The following TENM2 variants were observed in gnomAD, a reference collection of about 807,000 sequenced individuals.
TENM2 encodes teneurin-2.
In TENM2, 52 loss-of-function variants were observed where a neutral mutation model predicts 245.2. The observed-to-expected ratio is 0.21, with a 90% CI of 0.17 to 0.27. The LOEUF (loss-of-function observed/expected upper bound fraction) is 0.27, where lower values mean the gene tolerates loss of function less well. TENM2 is among the 10% of genes least tolerant of loss of function. TENM2 has a pLI of 1.00. For synonymous variants in TENM2, 1,363 were observed against 1,438.9 expected, an observed-to-expected ratio of 0.95 and a Z score of 1.19; for missense variants, 3,046 against 3,666.8, an observed-to-expected ratio of 0.83 and a Z score of 4.37.
intron 1 of TENM2, among the ~76,000 whole-genome samples, chr5:167,348,427 C>T (rs909680944): frequency 6.6e-6 from 1 of 152,106 alleles, no homozygotes; most frequent in Non-Finnish European, 1.5e-5. Context: ...ATTGACGAGC[C>T]GGCAATTCTC....
At chr5:167,232,374 TC>T in the TENM2 span, among the ~76,000 whole-genome samples, 1 of 143,238 alleles carries the variant, frequency 7.0e-6, no homozygotes, top group South Asian at 2.2e-4. Flanking sequence ...CTCTTTTCTT[TC>T]TTTTTTTTTT....
At chr5:167,685,484 GATGTGATCTTTCA>G (rs1757013071) in intron 2 of TENM2, among the ~76,000 whole-genome samples, 1 of 151,882 alleles carries the variant, frequency 6.6e-6, no homozygotes. Flanking sequence ...AAGAATCCCC[GATGTGATCTTTCA>G]CATGCTGTGG....
the TENM2 span, among the ~76,000 whole-genome samples, chr5:167,065,605 C>T: frequency 6.6e-6 from 1 of 152,114 alleles, no homozygotes; most frequent in Non-Finnish European, 1.5e-5. Context: ...CAGCTAACTA[C>T]AAATAATACA....
At chr5:167,386,485 T>C (rs1339713664) in intron 2 of TENM2, among the ~76,000 whole-genome samples, 2 of 152,182 alleles carry the variant, frequency 1.3e-5, no homozygotes, top group Non-Finnish European at 2.9e-5. Flanking sequence ...CTCTGCTGAC[T>C]TTTCCTTTTG....
rs572129986 is a variant in TENM2, at chr5:168,041,863, C to T, written c.1187-5564C>T. On this transcript the variant is annotated intron_variant, in intron 5 of 28. Transcript: ENST00000518659. ...TGGTCAAAATGAACGTTAATTGTCA[C>T]CATCACCATTGAGTAGACTTATTCA... Among the ~76,000 whole-genome samples the T allele has an allele frequency of 9.2e-5, 14 of 152,362 alleles. No individual in the cohort carries two copies. In the East Asian group the frequency reaches 2.7e-3, roughly 29 times the overall value.
At position 168,218,194 on chromosome 5, in the gene TENM2, A is replaced by G. The variant is rs1185114359; in HGVS notation, c.4303A>G (p.Asn1435Asp). Residue 1435 changes from asparagine (N) to aspartate (D), a missense_variant, in exon 23 of 29, where the codon AAT becomes GAT. By Grantham distance (23) the Asn-to-Asp change is conservative. Transcript: ENST00000518659. This position sits in a 1 kb window ranked among gnomAD's most constrained non-coding sequence, Gnocchi z 5.2. ...TAACTCCTTGTATGTTCTAGAGAAC[A>G]ATGTCATCCTTCGAATCACCGAGAA... is the stretch of plus-strand genomic sequence containing the variant. 6.2e-7 allele frequency: 1 copy of G among 1,613,918 alleles called. No individual in the cohort carries two copies. The highest frequency in any genetic ancestry group is 1.7e-5 in the Admixed American group (1 of 60,014).
At chr5:167,641,330 G>A (rs1310981132) in intron 2 of TENM2, among the ~76,000 whole-genome samples, 2 of 152,040 alleles carry the variant, frequency 1.3e-5, no homozygotes, top group African/African-American at 4.8e-5. Flanking sequence ...AATGAGATGG[G>A]AGACCAATAA....
At chr5:168,166,440 C>T (rs7712496) in intron 13 of TENM2, among the ~76,000 whole-genome samples, 27,506 of 152,114 alleles carry the variant, frequency 0.18, 3,059 homozygotes, top group Non-Finnish European at 0.25. Flanking sequence ...ATATTTGAAA[C>T]CTTTAACAGC....
chr5:167,513,573 A>G (rs1770115354), intron 2 of TENM2, among the ~76,000 whole-genome samples: 1 of 152,282 alleles, frequency 6.6e-6, no homozygotes, highest in South Asian at 2.1e-4. Context: ...CGTCTTTGGT[A>G]TACATGCCAT....
At chr5:167,200,027 T>A in the TENM2 span, among the ~76,000 whole-genome samples, 222 of 152,212 alleles carry the variant, frequency 1.5e-3, 1 homozygote, top group African/African-American at 4.5e-3. Flanking sequence ...TTTGCCAGGC[T>A]GGTTTACATC....
At chr5:167,302,700 A>G (rs946817934) in intron 1 of TENM2, among the ~76,000 whole-genome samples, 4 of 151,544 alleles carry the variant, frequency 2.6e-5, no homozygotes, top group African/African-American at 9.7e-5. Flanking sequence ...CTTGCCACTA[A>G]GGGTGAAGGA....
At chr5:167,681,770 A>G (rs1359376946) in intron 2 of TENM2, among the ~76,000 whole-genome samples, 2 of 152,146 alleles carry the variant, frequency 1.3e-5, no homozygotes, top group African/African-American at 4.8e-5. Flanking sequence ...AGGAGTACCC[A>G]GTTTTCCATA....
the TENM2 span, among the ~76,000 whole-genome samples, chr5:167,000,141 A>G: frequency 6.6e-6 from 1 of 150,842 alleles, no homozygotes; most frequent in Non-Finnish European, 1.5e-5. Context: ...AATTTCAGCA[A>G]TGTCACAGTC....
At chr5:167,927,561 G>T (rs568148798) in intron 3 of TENM2, among the ~76,000 whole-genome samples, 2 of 152,296 alleles carry the variant, frequency 1.3e-5, no homozygotes, top group African/African-American at 4.8e-5. Flanking sequence ...CATACAGAAG[G>T]CTTCCTTGTG....
At chr5:167,581,754 CATT>C (rs1035990312) in intron 2 of TENM2, among the ~76,000 whole-genome samples, 2 of 152,062 alleles carry the variant, frequency 1.3e-5, no homozygotes, top group Admixed American at 1.3e-4. Context: ...TTCCAGCTGA[CATT>C]ATTAATTTCC....
chr5:167,375,319 C>T (rs1760681894), exon 2 of TENM2: 1 of 1,551,686 alleles, frequency 6.4e-7, no homozygotes, highest in Non-Finnish European at 8.7e-7. Flanking sequence ...CTGACGCCGA[C>T]TCCGACACCG....
intron 2 of TENM2, among the ~76,000 whole-genome samples, chr5:167,763,829 A>G (rs1005808017): frequency 4.6e-5 from 7 of 152,158 alleles, no homozygotes; most frequent in Non-Finnish European, 1.0e-4. Context: ...GAGCTTGACA[A>G]GCATTAATTT....
At chr5:167,423,892 A>T (rs1763656605) in intron 2 of TENM2, among the ~76,000 whole-genome samples, 2 of 152,158 alleles carry the variant, frequency 1.3e-5, no homozygotes, top group African/African-American at 4.8e-5. Context: ...GAGACCATCG[A>T]CCATGGCGAA....
chr5:167,020,779 A>C, the TENM2 span, among the ~76,000 whole-genome samples: 1 of 152,254 alleles, frequency 6.6e-6, no homozygotes, highest in Non-Finnish European at 1.5e-5. Context: ...CAATGTCTGC[A>C]ATATGCCTTA....
Sources: gnomAD v4.1 joint callset for allele counts (sites outside exome capture counted in the v4.1 genomes callset) on GRCh38, gnomAD v4.1.1 for gene constraint, Gnocchi (gnomAD v3.1) non-coding constraint, MANE v1.5 for transcripts, NCBI Gene and HGNC (gene_info 2026-07-23, HGNC 2026-07-21) for gene names.